Variants in FAM13C observed in about 807,000 individuals in gnomAD.
FAM13C encodes family with sequence similarity 13 member C.
Under a neutral mutation model 73.2 loss-of-function variants are expected in FAM13C, and 37 were observed. The ratio of observed to expected loss-of-function variants is 0.51; its 90% CI spans 0.39 to 0.67. The LOEUF (loss-of-function observed/expected upper bound fraction) is 0.67. FAM13C is among the 30% of genes least tolerant of loss of function. The pLI, the probability that FAM13C is intolerant of heterozygous loss-of-function variation, is 0.00. For missense variants in FAM13C, 589 were observed against 715.6 expected (o/e 0.82, Z 2.02); for synonymous variants, 246 against 260.9 (o/e 0.94, Z 0.55).
At chr10:59,326,779 A>T (rs972697228) in intron 3 of FAM13C, among the ~76,000 whole-genome samples, 3 of 152,200 alleles carry the variant, frequency 2.0e-5, no homozygotes, top group Non-Finnish European at 4.4e-5. Flanking sequence ...CTTCTAGCTG[A>T]TACCCCAGAC....
intron 3 of FAM13C, among the ~76,000 whole-genome samples, chr10:59,349,356 T>G (rs1292649925): frequency 6.6e-6 from 1 of 152,214 alleles, no homozygotes; most frequent in Non-Finnish European, 1.5e-5. Context: ...GACAGACTCT[T>G]GGATACAGGC....
At chr10:59,287,143 C>T (rs926212694) in intron 5 of FAM13C, among the ~76,000 whole-genome samples, 1 of 150,916 alleles carries the variant, frequency 6.6e-6, no homozygotes, top group Non-Finnish European at 1.5e-5. Context: ...TCGAGACCAG[C>T]CTGACCAATA....
intron 3 of FAM13C, among the ~76,000 whole-genome samples, chr10:59,351,316 AG>A (rs1855006103): frequency 8.2e-6 from 1 of 121,418 alleles, no homozygotes; most frequent in Admixed American, 9.6e-5. Context: ...TGGTTGACAG[AG>A]TGAGACCCTG....
intron 3 of FAM13C, among the ~76,000 whole-genome samples, chr10:59,325,668 C>A (rs1015345357): frequency 6.6e-6 from 1 of 152,076 alleles, no homozygotes; most frequent in African/African-American, 2.4e-5. Flanking sequence ...GGCTCAGTTT[C>A]CTTTTCTGTA....
chr10:59,267,456 T>A (rs113176437), intron 8 of FAM13C, among the ~76,000 whole-genome samples: 9 of 152,320 alleles, frequency 5.9e-5, no homozygotes, highest in African/African-American at 2.2e-4. Context: ...AGCTCCCTTC[T>A]GCTCTGTAAA....
chr10:59,265,325 G>C (rs552366406), intron 8 of FAM13C, among the ~76,000 whole-genome samples: 1 of 27,612 alleles, frequency 3.6e-5, no homozygotes, highest in South Asian at 3.4e-3. Context: ...GTTTTGGCGG[G>C]GGGGGGGGGG....
chr10:59,278,756 T>C (rs1233204646), intron 6 of FAM13C, among the ~76,000 whole-genome samples: 2 of 139,914 alleles, frequency 1.4e-5, no homozygotes, highest in African/African-American at 4.9e-5. Context: ...CATTTTTCAG[T>C]TAAAGCATTA....
At chr10:59,291,844 A>G (rs964731023) in intron 5 of FAM13C, among the ~76,000 whole-genome samples, 1 of 130,652 alleles carries the variant, frequency 7.7e-6, no homozygotes, top group African/African-American at 3.0e-5. Flanking sequence ...GCTGGAGTGC[A>G]GTGGTGTGAT....
chr10:59,343,547 A>C (rs78399283), intron 3 of FAM13C, among the ~76,000 whole-genome samples: 1,599 of 152,176 alleles, frequency 0.011, 36 homozygotes, highest in African/African-American at 0.037. Context: ...TGGTCCATTG[A>C]GTTATGGGGT....
At chr10:59,347,598 T>A (rs2134226219) in intron 3 of FAM13C, among the ~76,000 whole-genome samples, 1 of 152,238 alleles carries the variant, frequency 6.6e-6, no homozygotes, top group South Asian at 2.1e-4. Context: ...TACATAGATA[T>A]ACACGTGCCT....
chr10:59,321,204 C>T (rs1338943162), intron 4 of FAM13C, among the ~76,000 whole-genome samples: 3 of 151,824 alleles, frequency 2.0e-5, no homozygotes, highest in Admixed American at 6.6e-5. Context: ...CTGAGTGAGC[C>T]CAATCTATTC....
At chr10:59,323,471 T>G (rs2134024760) in intron 4 of FAM13C, 1 of 165,450 alleles carries the variant, frequency 6.0e-6, no homozygotes. Flanking sequence ...CATGCTGCAA[T>G]CAGACATTTG....
At position 59,246,424 on chromosome 10, in the gene FAM13C, A is replaced by G. The variant is rs891762783; in HGVS notation, c.*1190T>C. The G allele has an allele frequency of 1.7e-5, 6 of 359,808 alleles. No individual in the cohort carries two copies. Among genetic ancestry groups the G allele is most frequent in the Admixed American group, 4.6e-5 (1 of 21,698 alleles). 22.3% of individuals were successfully genotyped at this position (359,808 alleles called of 1,614,324 possible). On this transcript the variant is annotated 3_prime_UTR_variant, in exon 14 of 14. Transcript: ENST00000618804. ...AATAAGTCTGTTTCTGAAATAGTCA[A>G]TAGTCTTCCCATCCAAACTATAAGA...
chr10:59,289,945 C>T (rs935502419), intron 5 of FAM13C, among the ~76,000 whole-genome samples: 6 of 152,080 alleles, frequency 3.9e-5, no homozygotes, highest in African/African-American at 9.7e-5. Context: ...TCTCCTCAAA[C>T]GAATGTCTAG....
intron 9 of FAM13C, 35 bp downstream of exon 9, chr10:59,264,050 T>C (rs1176099270): frequency 6.3e-7 from 1 of 1,591,810 alleles, no homozygotes; most frequent in East Asian, 2.2e-5. Flanking sequence ...AACTGCTTCC[T>C]TTGTGAGGAA....
chr10:59,294,522 A>G (rs1217233698), intron 5 of FAM13C, among the ~76,000 whole-genome samples: 1 of 152,188 alleles, frequency 6.6e-6, no homozygotes, highest in Non-Finnish European at 1.5e-5. Context: ...CATGGCTTCC[A>G]CTTTTTCTGC....
chr10:59,307,534 G>T (rs1353841845), intron 4 of FAM13C, among the ~76,000 whole-genome samples: 1 of 152,136 alleles, frequency 6.6e-6, no homozygotes. Context: ...AGGAGAAAGG[G>T]TAGTTAAATA....
chr10:59,292,418 G>A lies in FAM13C; in HGVS notation c.508-8971C>T, dbSNP rs116085103. Reference sequence around the variant, plus strand: ...CCTTCAAAACTAAACTTAGTAAGATGGTAGCACAGGAGATGGCCCACTGGG... The same window carrying A: ...CCTTCAAAACTAAACTTAGTAAGATAGTAGCACAGGAGATGGCCCACTGGG... On this transcript the variant is annotated intron_variant, in intron 5 of 13. Transcript: ENST00000618804. 5.2e-3 allele frequency among the ~76,000 whole-genome samples: 786 copies of A among 152,356 alleles called. 12 individuals are homozygous for A. The highest frequency in any genetic ancestry group is 0.018 in the African/African-American group (750 of 41,580).
At chr10:59,302,887 A>G (rs1293059240) in intron 4 of FAM13C, 23 bp from the exon 5 acceptor site, 1 of 1,606,964 alleles carries the variant, frequency 6.2e-7, no homozygotes, top group South Asian at 1.1e-5. Flanking sequence ...AAGAAAAATT[A>G]TTTCCATTTA....
Sources: gnomAD v4.1 joint callset for allele counts (sites outside exome capture counted in the v4.1 genomes callset) on GRCh38, gnomAD v4.1.1 for gene constraint, MANE v1.5 for transcripts, NCBI Gene and HGNC (gene_info 2026-07-23, HGNC 2026-07-21) for gene names.